The following FBXO31 variants were observed in gnomAD, a reference collection of about 807,000 sequenced individuals.
FBXO31 encodes the protein F-box only protein 31.
A neutral mutation model predicts 54.4 loss-of-function variants in FBXO31; 24 were observed. The observed-to-expected ratio is 0.44, with a 90% CI of 0.32 to 0.62. FBXO31 has a LOEUF of 0.62. Ranked by LOEUF, FBXO31 falls within the 20% of genes least tolerant of loss-of-function variation. FBXO31 has a pLI of 0.05. For missense variants in FBXO31, 665 were observed against 787.1 expected (o/e 0.84, Z 1.86); for synonymous variants, 388 against 335.6 (o/e 1.16, Z -1.71).
At chr16:87,353,710 G>A (rs922096607) in intron 2 of FBXO31, among the ~76,000 whole-genome samples, 3 of 151,182 alleles carry the variant, frequency 2.0e-5, no homozygotes, top group African/African-American at 4.9e-5. Context: ...AAGACCCTTC[G>A]GCGGGAGCAG....
At chr16:87,343,419 A>G (rs1416131968) in intron 4 of FBXO31, among the ~76,000 whole-genome samples, 179 bp downstream of exon 4, 1 of 152,272 alleles carries the variant, frequency 6.6e-6, no homozygotes, top group Non-Finnish European at 1.5e-5. Context: ...TGACCGCTGC[A>G]GAGTCCACTG....
In FBXO31 at chr16:87,331,325, T is replaced by A; in HGVS notation, c.1583A>T (p.Asp528Val). Residue 528 changes from aspartate (D) to valine (V), a missense_variant, in exon 9 of 9, where the codon GAT becomes GTT. Physicochemically the swap from Asp to Val is radical, Grantham distance 152. This residue lies in a region of FBXO31 where 71 missense variants were observed against 105.8 expected (regional missense o/e 0.67). Transcript: ENST00000311635. ...GGACTGAATGTTCTTGAGCATCTCA[T>A]CGAAGGCCTGTGGGGACGGCGCATC... The part of the protein sequence containing the change: ...NADAPSPQAF[D>V]EMLKNIQSLT... The A allele has an allele frequency of 6.2e-7, 1 of 1,613,988 alleles. No individual in the cohort carries two copies. Among genetic ancestry groups the A allele is most frequent in the Non-Finnish European group, 8.5e-7 (1 of 1,180,008 alleles).
intron 2 of FBXO31, among the ~76,000 whole-genome samples, chr16:87,352,331 A>G (rs1360422190): frequency 6.6e-6 from 1 of 152,202 alleles, no homozygotes; most frequent in Non-Finnish European, 1.5e-5. Flanking sequence ...GATTTAAAAG[A>G]TGAGAATGTG....
rs1905637264 is a variant in FBXO31, at chr16:87,351,163, TTAAAAA to T, written c.413-3919_413-3914del. On this transcript the variant is annotated intron_variant, in intron 2 of 8. Transcript: ENST00000311635. The stretch of plus-strand genomic sequence containing the variant: ...AAGCCTGTGTCTGAGAACACGCACT[TTAAAAA>T]GAGTCCTTACGAAGCATGGCTATCG... 2.0e-5 allele frequency among the ~76,000 whole-genome samples: 3 copies of T among 152,254 alleles called. No individual in the cohort carries two copies. The South Asian group carries it at 6.2e-4, about 32-fold the overall frequency.
intron 3 of FBXO31, among the ~76,000 whole-genome samples, chr16:87,344,875 G>T (rs60296353): frequency 6.7e-6 from 1 of 149,884 alleles, no homozygotes. Context: ...ACCCATCCCT[G>T]CCCCAAACCC....
upstream of FBXO31, among the ~76,000 whole-genome samples, chr16:87,384,599 C>A (rs910177185): frequency 6.6e-6 from 1 of 152,228 alleles, no homozygotes; most frequent in Non-Finnish European, 1.5e-5. Context: ...ACCGCGAAGG[C>A]GTCCTCTCAC....
chr16:87,337,630 G>C (rs367585621), intron 5 of FBXO31, among the ~76,000 whole-genome samples: 1 of 152,212 alleles, frequency 6.6e-6, no homozygotes, highest in African/African-American at 2.4e-5. Context: ...GGACCCAGCT[G>C]CCTGATTGCA....
In FBXO31 at chr16:87,333,969, G is replaced by A; in HGVS notation, c.1314C>T (p.Ala438=). ...CGAACGGCTGCCCCTGCCCACACTGGGCAGGCTGCTCGGCCGCAGCTACGG... is the reference window on the plus strand; with the variant it reads ...CGAACGGCTGCCCCTGCCCACACTGAGCAGGCTGCTCGGCCGCAGCTACGG... The part of the protein sequence containing the change: ...GDAVAAAEQP[A]QCGQGQPFVL... Residue 438 remains alanine (A), a synonymous_variant, in exon 8 of 9, where the codon GCC becomes GCT. Coordinates refer to ENST00000311635, the MANE Select transcript of FBXO31 (RefSeq NM_024735.5). 1 of 1,612,744 alleles carries A rather than the reference G, an allele frequency of 6.2e-7. No homozygotes were observed. Among genetic ancestry groups the A allele is most frequent in the Non-Finnish European group, 8.5e-7 (1 of 1,179,814 alleles).
chr16:87,379,436 C>T (rs181682718), intron 1 of FBXO31, among the ~76,000 whole-genome samples: 14 of 152,236 alleles, frequency 9.2e-5, no homozygotes, highest in Non-Finnish European at 2.1e-4. Context: ...CTTATGTTGA[C>T]CAGGAACTGA....
At chr16:87,369,863 A>G (rs1906524359) in intron 1 of FBXO31, among the ~76,000 whole-genome samples, 2 of 152,128 alleles carry the variant, frequency 1.3e-5, no homozygotes, top group African/African-American at 4.8e-5. Flanking sequence ...AAATAAATAA[A>G]TAAGAAAATT....
At position 87,383,773 on chromosome 16, in the gene FBXO31, C is replaced by T. The variant is rs2150701807; in HGVS notation, c.-29G>A. 1.7e-6 allele frequency: 2 copies of T among 1,183,376 alleles called. No individual in the cohort carries two copies. Among genetic ancestry groups the T allele is most frequent in the African/African-American group, 1.6e-5 (1 of 62,234 alleles). The allele number at this position is 1,183,376 out of a possible 1,614,324, so 73.3% of individuals were successfully genotyped here. A position where few individuals can be genotyped will look rare whatever the true frequency, so the allele number is the denominator to read the frequency against. ...GCCCAGTGACGGCCACTGCTGCCGC[C>T]TGTGCGCACGCTCCAGCGCGGCCCC... On this transcript the variant is annotated 5_prime_UTR_variant, in exon 1 of 9. Transcript: ENST00000311635. The surrounding 1 kb of genome is among the most constrained non-coding windows in gnomAD (Gnocchi z 4.9).
upstream of FBXO31, among the ~76,000 whole-genome samples, chr16:87,390,191 G>A (rs1368570266): frequency 6.6e-6 from 1 of 152,108 alleles, no homozygotes. Flanking sequence ...TGAGGCAGGA[G>A]AATCACCTGA....
chr16:87,346,353 G>A lies in FBXO31; in HGVS notation c.489+821C>T, dbSNP rs1905387017. Among the ~76,000 whole-genome samples the A allele has an allele frequency of 6.6e-6, 1 of 152,200 alleles. No individual in the cohort carries two copies. Among genetic ancestry groups the A allele is most frequent in the East Asian group, 1.9e-4 (1 of 5,192 alleles). On this transcript the variant is annotated intron_variant, in intron 3 of 8. Transcript: ENST00000311635. This position sits in a 1 kb window ranked among gnomAD's most constrained non-coding sequence, Gnocchi z 4.2. ...GGGCATCCAACACGCCTGGAGATCA[G>A]GAGAAAAGGCGGGGGCTAGACTCGA... is the stretch of plus-strand genomic sequence containing the variant.
At chr16:87,349,023 G>C (rs1355347523) in intron 2 of FBXO31, among the ~76,000 whole-genome samples, 2 of 152,188 alleles carry the variant, frequency 1.3e-5, no homozygotes, top group African/African-American at 2.4e-5. Context: ...TAAAGACAGA[G>C]ACAGGAAACA....
intron 2 of FBXO31, among the ~76,000 whole-genome samples, chr16:87,350,962 C>T (rs35011911): frequency 0.19 from 28,495 of 152,198 alleles, 3,204 homozygotes; most frequent in South Asian, 0.53. Flanking sequence ...TTGGTCAAAG[C>T]GACAACACCT....
chr16:87,389,739 G>A (rs1907455320), exon 1 of FBXO31: 1 of 152,106 alleles, frequency 6.6e-6, no homozygotes, highest in Admixed American at 6.6e-5. Context: ...GCGCTTACCG[G>A]ATTTTTTTTT....
chr16:87,389,843 C>T (rs1263529189), exon 1 of FBXO31: 1 of 152,060 alleles, frequency 6.6e-6, no homozygotes, highest in South Asian at 2.1e-4. Flanking sequence ...TTAAAAATTT[C>T]GGAATCTGGA....
chr16:87,337,087 C>A (rs1171802677), intron 5 of FBXO31, among the ~76,000 whole-genome samples: 1 of 152,238 alleles, frequency 6.6e-6, no homozygotes, highest in African/African-American at 2.4e-5. Flanking sequence ...GCAGGAGCTG[C>A]ACTGAGCACC....
At chr16:87,377,182 C>T (rs1356010702) in intron 1 of FBXO31, among the ~76,000 whole-genome samples, 5 of 152,232 alleles carry the variant, frequency 3.3e-5, no homozygotes, top group Admixed American at 2.0e-4. Flanking sequence ...CGGTGGCTCA[C>T]GCCAGTAATC....
Sources: allele counts gnomAD v4.1 joint callset (sites outside exome capture counted in the v4.1 genomes callset), GRCh38; gene constraint gnomAD v4.1.1; regional missense constraint gnomAD v4.1.1; non-coding constraint Gnocchi (gnomAD v3.1); transcripts MANE v1.5; gene names NCBI Gene and HGNC (gene_info 2026-07-23, HGNC 2026-07-21).